CUX1: variants seen among roughly 807,000 people sequenced by gnomAD.
CUX1 encodes protein CASP.
CUX1 carries 31 observed loss-of-function variants against 158.8 expected under a neutral mutation model. That is an observed-to-expected ratio of 0.20 (90% CI 0.15 to 0.26). The LOEUF (loss-of-function observed/expected upper bound fraction) is 0.26. Among genes scored for constraint, CUX1 ranks in the 10% least tolerant of loss-of-function variants. The probability of loss-of-function intolerance (pLI) is 1.00; values close to 1 mark genes in which losing one functional copy is unlikely to be tolerated. For synonymous variants in CUX1, 879 were observed against 862.1 expected, an observed-to-expected ratio of 1.02 and a Z score of -0.34; for missense variants, 1,589 against 2,014.6, an observed-to-expected ratio of 0.79 and a Z score of 4.04.
intron 1 of CUX1, among the ~76,000 whole-genome samples, chr7:101,848,977 C>T (rs1270753379): frequency 1.3e-5 from 2 of 151,296 alleles, no homozygotes; most frequent in South Asian, 2.1e-4. Context: ...TCTTGTTCCA[C>T]GTGACTTACA....
chr7:102,199,784 T>G (rs1224736732), intron 16 of CUX1, among the ~76,000 whole-genome samples: 1 of 152,202 alleles, frequency 6.6e-6, no homozygotes, highest in African/African-American at 2.4e-5. Flanking sequence ...ACTCGCCTTT[T>G]ATATATATGG....
chr7:102,197,393 C>G, intron 15 of CUX1, 88 bp downstream of exon 15: 1 of 1,404,314 alleles, frequency 7.1e-7, no homozygotes. Flanking sequence ...TGTCTGTGTG[C>G]GTGATGAAAC....
intron 8 of CUX1, among the ~76,000 whole-genome samples, chr7:102,138,376 C>CAGTA (rs1363779493): frequency 6.6e-6 from 1 of 151,934 alleles, no homozygotes; most frequent in Non-Finnish European, 1.5e-5. Context: ...TTCTAATTCA[C>CAGTA]AGTATCTCTG....
intron 14 of CUX1, 39 bp from the exon 15 acceptor site, chr7:102,196,593 TGG>T: frequency 7.0e-7 from 1 of 1,419,678 alleles, no homozygotes; most frequent in Non-Finnish European, 9.3e-7. Context: ...TTTCCCCCTT[TGG>T]AATCCCCCAT....
chr7:101,888,654 A>G (rs932837260), intron 1 of CUX1, among the ~76,000 whole-genome samples: 13 of 151,986 alleles, frequency 8.6e-5, no homozygotes, highest in African/African-American at 2.2e-4. Context: ...CGGTGGTGCA[A>G]TCTCAGCTCA....
intron 1 of CUX1, among the ~76,000 whole-genome samples, chr7:101,890,293 G>A (rs1800738550): frequency 6.6e-6 from 1 of 151,984 alleles, no homozygotes; most frequent in Admixed American, 6.5e-5. Context: ...CCGGCACAGT[G>A]GGATGAGAGT....
intron 3 of CUX1, 46 bp downstream of exon 3, chr7:102,028,191 T>TA: frequency 6.3e-7 from 1 of 1,594,902 alleles, no homozygotes; most frequent in Non-Finnish European, 8.6e-7. Context: ...CCTTCGTGGC[T>TA]AATTGGTCTT....
At chr7:101,837,912 C>T (rs572082452) in intron 1 of CUX1, among the ~76,000 whole-genome samples, 20 of 147,394 alleles carry the variant, frequency 1.4e-4, no homozygotes, top group African/African-American at 4.7e-4. Context: ...CCCATTTCTA[C>T]ACCACGTGCA....
At chr7:102,076,207 C>T (rs1365822715) in intron 4 of CUX1, among the ~76,000 whole-genome samples, 1 of 152,038 alleles carries the variant, frequency 6.6e-6, no homozygotes, top group Non-Finnish European at 1.5e-5. Flanking sequence ...CATGGTGAAA[C>T]CTCGTCTCTA....
rs547420357 is a variant in CUX1, at chr7:102,072,282, C to T, written c.268+1865C>T. Among the ~76,000 whole-genome samples the T allele has an allele frequency of 3.0e-4, 45 of 152,262 alleles. No individual in the cohort carries two copies. In the South Asian group the frequency reaches 9.3e-3, roughly 32 times the overall value. ...TTCCCATTGGCAATTGGTGTTCACC[C>T]CATGTAAATGAAGTGGTGGCCCTCA... On this transcript the variant is annotated intron_variant, in intron 4 of 23. Coordinates refer to ENST00000292535, the MANE Select transcript of CUX1 (RefSeq NM_181552.4).
chr7:102,101,476 C>T (rs1033743581), intron 5 of CUX1, among the ~76,000 whole-genome samples: 2 of 152,186 alleles, frequency 1.3e-5, no homozygotes, highest in Non-Finnish European at 2.9e-5. Context: ...AGCACTCACC[C>T]GGGTCCAGGG....
At chr7:101,918,667 TCCAAGGA>T (rs1026881382) in intron 2 of CUX1, among the ~76,000 whole-genome samples, 23 of 152,362 alleles carry the variant, frequency 1.5e-4, no homozygotes, top group African/African-American at 5.3e-4. Context: ...CACTTTCTCA[TCCAAGGA>T]CCAACCTGGA....
chr7:102,181,615 G>A (rs141780933), intron 11 of CUX1, among the ~76,000 whole-genome samples: 11 of 152,294 alleles, frequency 7.2e-5, no homozygotes, highest in South Asian at 2.1e-4. Context: ...AAACAATTCA[G>A]CGATACTTCT....
At chr7:101,866,512 G>A (rs930029861) in intron 1 of CUX1, among the ~76,000 whole-genome samples, 5 of 147,840 alleles carry the variant, frequency 3.4e-5, no homozygotes, top group Admixed American at 6.7e-5. Context: ...CTTGCCTGTA[G>A]TACCAGCTAT....
intron 20 of CUX1, among the ~76,000 whole-genome samples, chr7:102,211,282 C>T (rs4727519): frequency 0.11 from 16,250 of 147,426 alleles, 1,106 homozygotes; most frequent in Admixed American, 0.18. Flanking sequence ...TCGGTCTCTA[C>T]TAAAAATATA....
chr7:102,273,796 C>T (rs1375411311), intron 15 of CUX1, among the ~76,000 whole-genome samples: 1 of 152,108 alleles, frequency 6.6e-6, no homozygotes, highest in Non-Finnish European at 1.5e-5. Context: ...GCACCCATCT[C>T]CCAGCTAAAG....
At chr7:102,017,305 A>AAAAAAG in intron 2 of CUX1, among the ~76,000 whole-genome samples, 1 of 151,404 alleles carries the variant, frequency 6.6e-6, no homozygotes. Context: ...AAAAAAAAAA[A>AAAAAAG]AGTGAGCTTG....
At chr7:101,883,445 A>G (rs1799916068) in intron 1 of CUX1, among the ~76,000 whole-genome samples, 1 of 152,104 alleles carries the variant, frequency 6.6e-6, no homozygotes, top group Non-Finnish European at 1.5e-5. Flanking sequence ...ATTGCTGTTT[A>G]TTGTACTTTT....
intron 2 of CUX1, among the ~76,000 whole-genome samples, chr7:101,968,462 G>T (rs1811498660): frequency 6.6e-6 from 1 of 152,100 alleles, no homozygotes; most frequent in South Asian, 2.1e-4. Flanking sequence ...TCGCCCTGTT[G>T]CCCAGGCTGG....
Sources: gnomAD v4.1 joint callset for allele counts (sites outside exome capture counted in the v4.1 genomes callset) on GRCh38, gnomAD v4.1.1 for gene constraint, MANE v1.5 for transcripts, NCBI Gene and HGNC (gene_info 2026-07-23, HGNC 2026-07-21) for gene names.